ANKRD18A: variants seen among roughly 807,000 people sequenced by gnomAD.
The protein encoded by ANKRD18A is ankyrin repeat domain-containing protein 18A.
Under a neutral mutation model 110.6 loss-of-function variants are expected in ANKRD18A, and 72 were observed. The ratio of observed to expected loss-of-function variants is 0.65; its 90% confidence interval spans 0.54 to 0.79. ANKRD18A has a LOEUF of 0.79. Among genes scored for constraint, ANKRD18A ranks in the 30% least tolerant of loss-of-function variants. The pLI is 0.00. For missense variants in ANKRD18A, 934 were observed against 1,163.3 expected, an observed-to-expected ratio of 0.80 and a Z score of 2.87; for synonymous variants, 305 against 410.3, an observed-to-expected ratio of 0.74 and a Z score of 3.10.
Position 38,595,848 on chromosome 9 carries a change from T to C in ANKRD18A, c.1492A>G (p.Arg498Gly), listed in dbSNP as rs1658082557. ...CTTCCTAAAGCCAATGTCTTTTCCC[T>C]GAGAGCATCTCTTGTCTCACGGAGC... Reference protein sequence around the residue: ...GKLRETRDALREKTLALGSVQ... With the variant: ...GKLRETRDALGEKTLALGSVQ... The change falls in exon 9 of 16, where the codon AGG becomes GGG. Residue 498 changes from arginine (R) to glycine (G), a missense_variant. Physicochemically the swap from Arg to Gly is moderately radical, Grantham distance 125. This residue lies in a region of ANKRD18A where 630 missense variants were observed against 797.5 expected (regional missense o/e 0.79). Coordinates refer to ENST00000399703, the MANE Select transcript of ANKRD18A (RefSeq NM_147195.4). 3 of 1,551,324 alleles carry C rather than the reference T, an allele frequency of 1.9e-6. No individual in the cohort carries two copies. The highest frequency in any genetic ancestry group is 1.7e-6 in the Non-Finnish European group (2 of 1,146,686).
intron 15 of ANKRD18A, among the ~76,000 whole-genome samples, chr9:38,573,713 CA>C (rs1164751682): frequency 6.9e-6 from 1 of 144,742 alleles, no homozygotes; most frequent in Non-Finnish European, 1.5e-5. Flanking sequence ...AACTCCATCT[CA>C]AAAAAAAGAA....
In ANKRD18A at chr9:38,575,649, G is replaced by C. The variant is rs779973109; in HGVS notation, c.2791C>G (p.Gln931Glu). The C allele has an allele frequency of 2.2e-4, 349 of 1,551,638 alleles. No homozygotes were observed. The highest frequency in any genetic ancestry group is 8.3e-4 in the South Asian group (70 of 84,022). Residue 931 changes from glutamine (Q) to glutamate (E), a missense_variant, in exon 15 of 16, where the codon CAG becomes GAG. Physicochemically the swap from Gln to Glu is conservative, Grantham distance 29. Transcript: ENST00000399703. Reference protein sequence around the residue: ...VISTKLFTEKQRMKYFLSTLP... With the variant: ...VISTKLFTEKERMKYFLSTLP... Reference sequence around the variant, plus strand: ...GTGCTGAGAAAATATTTCATCCGCTGTTTCTCCGTAAAGAGCTTGGTGCTG... The same window carrying C: ...GTGCTGAGAAAATATTTCATCCGCTCTTTCTCCGTAAAGAGCTTGGTGCTG...
rs1825613109 is a variant in ANKRD18A at position 38,611,341 on chromosome 9, A to G, written c.496-20T>C. The G allele has an allele frequency of 6.6e-7, 1 of 1,508,038 alleles. No individual in the cohort carries two copies. The highest frequency in any genetic ancestry group is 8.8e-7 in the Non-Finnish European group (1 of 1,132,292). The allele number at this position is 1,508,038 out of a possible 1,614,324, so 93.4% of individuals were successfully genotyped here. On this transcript the variant is annotated intron_variant, in intron 3 of 15. Transcript: ENST00000399703. ...TCCCTCCTGTAAGAAAGCAAAAACA[A>G]TTTATAATTCACAAAATTACATATT...
Position 38,613,400 on chromosome 9 carries a change from T to C in ANKRD18A, c.496-2079A>G, listed in dbSNP as rs3906244. Among the ~76,000 whole-genome samples the C allele has an allele frequency of 7.9e-3, 1,205 of 152,284 alleles. 16 individuals carry two copies. Among genetic ancestry groups the C allele is most frequent in the African/African-American group, 0.028 (1,155 of 41,584 alleles). On this transcript the variant is annotated intron_variant, in intron 3 of 15. Transcript: ENST00000399703. ...TGTGTTTTTATATTTGCTGTGAATG[T>C]GTTGCTAAATGATTGTGTATAAACC...
intron 3 of ANKRD18A, among the ~76,000 whole-genome samples, chr9:38,613,919 A>G (rs1314450699): frequency 1.3e-5 from 2 of 152,240 alleles, no homozygotes; most frequent in Non-Finnish European, 2.9e-5. Context: ...AAGATTACCC[A>G]CAAGTAAATT....
At chr9:38,600,961 T>G (rs1426407938) in intron 8 of ANKRD18A, among the ~76,000 whole-genome samples, 170 bp downstream of exon 8, 1 of 152,206 alleles carries the variant, frequency 6.6e-6, no homozygotes, top group Non-Finnish European at 1.5e-5. Flanking sequence ...TATTAGAATA[T>G]TTTACATTTT....
At chr9:38,616,531 C>T (rs1488534464) in intron 1 of ANKRD18A, among the ~76,000 whole-genome samples, 2 of 152,268 alleles carry the variant, frequency 1.3e-5, no homozygotes, top group Non-Finnish European at 1.5e-5. Context: ...TACCTCACTG[C>T]AGCCTGGCAC....
intron 3 of ANKRD18A, among the ~76,000 whole-genome samples, chr9:38,613,550 CCAA>C (rs35434787): frequency 0.023 from 3,573 of 152,118 alleles, 138 homozygotes; most frequent in African/African-American, 0.075. Flanking sequence ...AAGAATTTTC[CCAA>C]CATTTATTCA....
At chr9:38,571,023 A>T (rs1222054066), downstream of ANKRD18A, 45 of 1,267,030 alleles carry the variant, frequency 3.6e-5, no homozygotes, top group Non-Finnish European at 4.6e-5. Flanking sequence ...CAGCACAGAG[A>T]CTGCAGGGAG....
intron 5 of ANKRD18A, among the ~76,000 whole-genome samples, chr9:38,608,659 TAAA>T (rs1441499399): frequency 6.9e-6 from 1 of 144,154 alleles, no homozygotes; most frequent in Admixed American, 6.9e-5. Flanking sequence ...AAACTATAAA[TAAA>T]AATTTAAAAT....
At chr9:38,590,231 T>C (rs1256454521) in intron 10 of ANKRD18A, among the ~76,000 whole-genome samples, 2 of 151,754 alleles carry the variant, frequency 1.3e-5, no homozygotes, top group African/African-American at 2.4e-5. Context: ...TGTACCAGTA[T>C]ATTTTGTCCA....
chr9:38,591,846 C>T (rs1201197955), intron 10 of ANKRD18A, among the ~76,000 whole-genome samples: 5 of 152,144 alleles, frequency 3.3e-5, no homozygotes, highest in Non-Finnish European at 5.9e-5. Flanking sequence ...GGCTGAGCCA[C>T]GGAGCTGAAA....
rs1240073988 is a variant in ANKRD18A, at chr9:38,578,139, G to T, written c.2257C>A (p.Leu753Ile). 2 of 1,544,454 alleles carry T rather than the reference G, an allele frequency of 1.3e-6. No individual in the cohort carries two copies. The highest frequency in any genetic ancestry group is 2.0e-5 in the Admixed American group (1 of 48,942). Residue 753 changes from leucine (L) to isoleucine (I), a missense_variant, in exon 13 of 16, where the codon CTT becomes ATT. Physicochemically the swap from Leu to Ile is conservative, Grantham distance 5. This residue lies in a region of ANKRD18A where 79 missense variants were observed against 122.8 expected (regional missense o/e 0.64). Transcript: ENST00000399703. ...FKKLKQKFNDLVAEKEAVSSE... is the reference protein window; with the variant it reads ...FKKLKQKFNDIVAEKEAVSSE... ...GACACAGCTTCCTTCTCGGCCACAA[G>T]ATCATTAAACTGCATTAAGAAAATA...
chr9:38,569,363 C>T, downstream of ANKRD18A: 1 of 985,346 alleles, frequency 1.0e-6, no homozygotes, highest in Non-Finnish European at 1.2e-6. Context: ...CGACTGTCCC[C>T]AAGCCAGGAG....
chr9:38,617,610 G>A (rs903873736), intron 1 of ANKRD18A, among the ~76,000 whole-genome samples: 6 of 152,106 alleles, frequency 3.9e-5, no homozygotes, highest in African/African-American at 1.2e-4. Flanking sequence ...ATTTTCAAAA[G>A]GGCAGTTAAA....
chr9:38,608,675 CAT>C (rs944565949), intron 5 of ANKRD18A, among the ~76,000 whole-genome samples: 15 of 143,928 alleles, frequency 1.0e-4, no homozygotes, highest in South Asian at 6.5e-4. Context: ...TTTAAAATAA[CAT>C]AAATATAAAA....
chr9:38,610,373 T>C lies in ANKRD18A; in HGVS notation c.640A>G (p.Ser214Gly), dbSNP rs761220501. 1.9e-5 allele frequency: 30 copies of C among 1,550,498 alleles called. No individual in the cohort carries two copies. The highest frequency in any genetic ancestry group is 2.4e-5 in the Non-Finnish European group (28 of 1,146,668). ...TGTTGAAGCAGGAGGGTGACGATACTTGACAAGTTATGCTGTACTGCAAGT... is the reference window on the plus strand; with the variant it reads ...TGTTGAAGCAGGAGGGTGACGATACCTGACAAGTTATGCTGTACTGCAAGT... ...LILAVQHNLS[S>G]IVTLLLQQNI... is the part of the protein sequence containing the mutation. Residue 214 changes from serine (S) to glycine (G), a missense_variant, in exon 5 of 16, where the codon AGT becomes GGT. Transcript: ENST00000399703.
downstream of ANKRD18A, chr9:38,568,721 G>A (rs1438621562): frequency 1.0e-6 from 1 of 985,072 alleles, no homozygotes; most frequent in African/African-American, 1.7e-5. Flanking sequence ...AGCTTGTCCT[G>A]TCTTGGGCCA....
chr9:38,581,893 C>T (rs1405417185), intron 12 of ANKRD18A, among the ~76,000 whole-genome samples: 1 of 152,138 alleles, frequency 6.6e-6, no homozygotes, highest in Non-Finnish European at 1.5e-5. Flanking sequence ...TTCCAAGAAT[C>T]CTCTACTGAG....
Sources: allele counts gnomAD v4.1 joint callset (sites outside exome capture counted in the v4.1 genomes callset), GRCh38; gene constraint gnomAD v4.1.1; regional missense constraint gnomAD v4.1.1; transcripts MANE v1.5; gene names NCBI Gene and HGNC (gene_info 2026-07-23, HGNC 2026-07-21).